EPHA6: variants seen among roughly 807,000 people sequenced by gnomAD.
The protein encoded by EPHA6 is ephrin type-A receptor 6.
Under a neutral mutation model 112.0 loss-of-function variants are expected in EPHA6, and 50 were observed. That is an observed-to-expected ratio of 0.45 (90% CI 0.36 to 0.56). The LOEUF (loss-of-function observed/expected upper bound fraction) is 0.56. Ranked by LOEUF, EPHA6 falls within the 20% of genes least tolerant of loss-of-function variation. EPHA6 has a pLI of 0.00. For missense variants in EPHA6, 1,280 were observed against 1,417.4 expected, an observed-to-expected ratio of 0.90 and a Z score of 1.56; for synonymous variants, 529 against 490.7, an observed-to-expected ratio of 1.08 and a Z score of -1.03.
intron 3 of EPHA6, among the ~76,000 whole-genome samples, chr3:97,013,185 G>C (rs942060127): frequency 6.6e-6 from 1 of 152,070 alleles, no homozygotes; most frequent in Non-Finnish European, 1.5e-5. Context: ...CCAGTATTCA[G>C]AATGGTATTT....
intron 7 of EPHA6, among the ~76,000 whole-genome samples, chr3:97,468,256 A>T (rs991706707): frequency 6.6e-6 from 1 of 151,728 alleles, no homozygotes; most frequent in African/African-American, 2.4e-5. Context: ...GAATGGAAAA[A>T]AGAAACTCTT....
intron 6 of EPHA6, among the ~76,000 whole-genome samples, chr3:97,418,602 A>G (rs1273484587): frequency 6.6e-6 from 1 of 152,088 alleles, no homozygotes; most frequent in East Asian, 1.9e-4. Context: ...TTTTTTCAAG[A>G]ATAAGGGTAA....
chr3:97,695,413 AC>A (rs2032968296), intron 14 of EPHA6, among the ~76,000 whole-genome samples: 1 of 152,138 alleles, frequency 6.6e-6, no homozygotes, highest in Admixed American at 6.5e-5. Context: ...ACCAAAAGTC[AC>A]CCTTGTCTTT....
Position 96,987,655 on chromosome 3 carries a change from G to A in EPHA6, c.776G>A (p.Arg259His), listed in dbSNP as rs1374125907. 17 of 1,607,122 alleles carry A rather than the reference G, an allele frequency of 1.1e-5. No individual in the cohort carries two copies. The highest frequency in any genetic ancestry group is 2.2e-5 in the East Asian group (1 of 44,762). ...TTTACCCAGATGGATTTGGGTGATC[G>A]CATCCTCAAACTCAACACTGAAATT... is the stretch of plus-strand genomic sequence containing the variant. ...ESFTQMDLGD[R>H]ILKLNTEIRE... The change falls in exon 3 of 18, where the codon CGC becomes CAC. Residue 259 changes from arginine (R) to histidine (H), a missense_variant. Coordinates refer to ENST00000389672, the MANE Select transcript of EPHA6 (RefSeq NM_001080448.3).
At chr3:97,542,494 T>C (rs1279995524) in intron 11 of EPHA6, among the ~76,000 whole-genome samples, 1 of 152,180 alleles carries the variant, frequency 6.6e-6, no homozygotes, top group African/African-American at 2.4e-5. Context: ...CAGTCTATCA[T>C]TGTTGGACAT....
chr3:97,068,778 A>G (rs2046261921), intron 3 of EPHA6, among the ~76,000 whole-genome samples: 1 of 152,060 alleles, frequency 6.6e-6, no homozygotes, highest in Non-Finnish European at 1.5e-5. Flanking sequence ...TGTCCTTATA[A>G]AAGAGTGAGA....
At chr3:97,218,432 T>C (rs2078094903) in intron 3 of EPHA6, among the ~76,000 whole-genome samples, 1 of 152,136 alleles carries the variant, frequency 6.6e-6, no homozygotes, top group African/African-American at 2.4e-5. Context: ...AACTTACAAT[T>C]GTGGCGGAAG....
chr3:96,994,721 A>G (rs1452282941), intron 3 of EPHA6, among the ~76,000 whole-genome samples: 2 of 106,564 alleles, frequency 1.9e-5, no homozygotes, highest in East Asian at 5.2e-4. Context: ...ATATATATAT[A>G]TATATATATA....
At chr3:97,334,914 A>G (rs544260083) in intron 5 of EPHA6, among the ~76,000 whole-genome samples, 6 of 152,188 alleles carry the variant, frequency 3.9e-5, no homozygotes, top group Admixed American at 1.3e-4. Context: ...TGTACTCTAT[A>G]TGATTTTAGT....
chr3:96,820,648 G>A (rs952027681), intron 1 of EPHA6, among the ~76,000 whole-genome samples: 5 of 151,968 alleles, frequency 3.3e-5, no homozygotes, highest in Admixed American at 2.6e-4. Context: ...GCTGAGATGT[G>A]TATTTTCCAC....
rs151182877 is a variant in EPHA6 at position 97,576,279 on chromosome 3, T to A, written c.2387-16333T>A. On this transcript the variant is annotated intron_variant, in intron 11 of 17. Transcript: ENST00000389672. ...AATTTCCAGATTTTGTAAAAAGTTG[T>A]TTATTCATTTTTTTTCCTTGATCAG... Among the ~76,000 whole-genome samples the A allele has an allele frequency of 1.2e-4, 16 of 132,520 alleles. No homozygotes were observed. In the East Asian group the frequency reaches 3.2e-3, roughly 26 times the overall value. The allele number at this position is 132,520 out of a possible 152,430, so 86.9% of individuals were successfully genotyped here.
At position 97,074,151 on chromosome 3, in the gene EPHA6, C is replaced by T. The variant is rs556128690; in HGVS notation, c.1114+86158C>T. Among the ~76,000 whole-genome samples, 8 of 151,862 alleles carry T rather than the reference C, an allele frequency of 5.3e-5. No individual in the cohort carries two copies. The East Asian group carries it at 1.4e-3, about 26-fold the overall frequency. ...GTGTGCTATCAGTTATTTTGCCATT[C>T]CCTGTCTTGGTGTTCTTGATGGGCA... On this transcript the variant is annotated intron_variant, in intron 3 of 17. Transcript: ENST00000389672.
Position 96,999,379 on chromosome 3 carries a change from G to A in EPHA6, c.1114+11386G>A, listed in dbSNP as rs1340869399. 2.0e-5 allele frequency among the ~76,000 whole-genome samples: 3 copies of A among 151,956 alleles called. No individual in the cohort carries two copies. The East Asian group carries it at 5.8e-4, about 29-fold the overall frequency. On this transcript the variant is annotated intron_variant, in intron 3 of 17. Coordinates refer to ENST00000389672, the MANE Select transcript of EPHA6 (RefSeq NM_001080448.3). Reference sequence around the variant, plus strand: ...CTTCATGCAGTAATTCAGGGATCCAGACTTCTTGCCTTTAGTAAAGCAGAC... The same window carrying A: ...CTTCATGCAGTAATTCAGGGATCCAAACTTCTTGCCTTTAGTAAAGCAGAC...
intron 3 of EPHA6, among the ~76,000 whole-genome samples, chr3:97,206,569 A>G (rs1288805666): frequency 1.3e-5 from 2 of 151,980 alleles, no homozygotes; most frequent in African/African-American, 4.8e-5. Flanking sequence ...TCCAGTTAAA[A>G]TGCCTCATCT....
At chr3:97,070,417 A>G (rs2046316089) in intron 3 of EPHA6, among the ~76,000 whole-genome samples, 1 of 152,112 alleles carries the variant, frequency 6.6e-6, no homozygotes, top group Admixed American at 6.6e-5. Context: ...TTTCCCTAAC[A>G]CAGGGAATTG....
chr3:96,936,217 A>G (rs2040574052), intron 2 of EPHA6, among the ~76,000 whole-genome samples: 1 of 152,134 alleles, frequency 6.6e-6, no homozygotes, highest in African/African-American at 2.4e-5. Context: ...TTTAGGCCCC[A>G]GAGTTAAGTA....
At chr3:97,551,209 C>G (rs1488813012) in intron 11 of EPHA6, among the ~76,000 whole-genome samples, 1 of 152,082 alleles carries the variant, frequency 6.6e-6, no homozygotes, top group African/African-American at 2.4e-5. Context: ...TTTATATTCC[C>G]CCACATTATC....
chr3:97,058,662 G>A (rs527695900), intron 3 of EPHA6, among the ~76,000 whole-genome samples: 1 of 152,078 alleles, frequency 6.6e-6, no homozygotes, highest in Non-Finnish European at 1.5e-5. Flanking sequence ...GTATTCAAAT[G>A]ATTTTAATTA....
Position 97,492,528 on chromosome 3 carries a change from C to T in EPHA6, c.2200+8469C>T, listed in dbSNP as rs1167971583. 5.3e-5 allele frequency among the ~76,000 whole-genome samples: 5 copies of T among 95,184 alleles called. No individual in the cohort carries two copies. In the East Asian group the frequency reaches 1.4e-3, roughly 26 times the overall value. 62.4% of individuals were successfully genotyped at this position (95,184 alleles called of 152,430 possible). On this transcript the variant is annotated intron_variant, in intron 10 of 17. Transcript: ENST00000389672. ...CTGCACTCCATCCTGGGTGACAGAG[C>T]GAGAGTGAGACTCAGTCTCAAAAAA...
Sources: gnomAD v4.1 joint callset for allele counts (sites outside exome capture counted in the v4.1 genomes callset) on GRCh38, gnomAD v4.1.1 for gene constraint, MANE v1.5 for transcripts, NCBI Gene and HGNC (gene_info 2026-07-23, HGNC 2026-07-21) for gene names.